The following ZNF385D variants were observed in gnomAD, a reference collection of about 807,000 sequenced individuals.
The protein encoded by ZNF385D is zinc finger protein 659.
ZNF385D carries 15 observed loss-of-function variants against 35.8 expected under a neutral mutation model. That is an observed-to-expected ratio of 0.42 (90% CI 0.28 to 0.64). The LOEUF (loss-of-function observed/expected upper bound fraction) is 0.64, where lower values mean the gene tolerates loss of function less well. Among genes scored for constraint, ZNF385D ranks in the 30% least tolerant of loss-of-function variants. The pLI is 0.23. For synonymous variants in ZNF385D, 212 were observed against 186.8 expected, an observed-to-expected ratio of 1.13 and a Z score of -1.10; for missense variants, 474 against 494.6, an observed-to-expected ratio of 0.96 and a Z score of 0.39.
At chr3:21,999,353 G>A (rs916445647) in intron 3 of ZNF385D, among the ~76,000 whole-genome samples, 4 of 151,656 alleles carry the variant, frequency 2.6e-5, no homozygotes, top group African/African-American at 9.7e-5. Flanking sequence ...TGTCACATCT[G>A]ATGTTATAGA....
intron 3 of ZNF385D, among the ~76,000 whole-genome samples, chr3:21,808,570 T>A (rs2072759862): frequency 6.6e-6 from 1 of 152,140 alleles, no homozygotes; most frequent in African/African-American, 2.4e-5. Flanking sequence ...TTGTGCCTCC[T>A]CTCCTTTGTG....
intron 3 of ZNF385D, among the ~76,000 whole-genome samples, chr3:21,864,713 C>T (rs927775493): frequency 7.9e-5 from 12 of 152,210 alleles, no homozygotes; most frequent in African/African-American, 2.9e-4. Context: ...CTGAAGATAA[C>T]TACAAAGCTC....
intron 3 of ZNF385D, among the ~76,000 whole-genome samples, chr3:21,821,750 C>G (rs963791725): frequency 6.6e-6 from 1 of 152,016 alleles, no homozygotes; most frequent in Non-Finnish European, 1.5e-5. Flanking sequence ...CATGTCAGCT[C>G]AGGAGTTCGA....
chr3:22,136,109 C>T (rs973396228), intron 3 of ZNF385D, among the ~76,000 whole-genome samples: 1 of 152,096 alleles, frequency 6.6e-6, no homozygotes, highest in Non-Finnish European at 1.5e-5. Context: ...AGAGGCCAGG[C>T]GTGGTGGCTC....
rs181433434 is a variant in ZNF385D at position 21,995,773 on chromosome 3, C to T, written c.325+173044G>A. ...TCTCCAGATTGCCAGAAGGCACATT[C>T]AGGGGCAAGGAGCCCCTACTGCTAG... On this transcript the variant is annotated intron_variant, in intron 3 of 5. Transcript: ENST00000494108. 2.5e-4 allele frequency among the ~76,000 whole-genome samples: 38 copies of T among 152,090 alleles called. No individual in the cohort carries two copies. In the East Asian group the frequency reaches 6.8e-3, roughly 27 times the overall value.
chr3:22,321,106 G>C lies in ZNF385D; in HGVS notation c.106+51344C>G, dbSNP rs980725187. Among the ~76,000 whole-genome samples, 4 of 133,948 alleles carry C rather than the reference G, an allele frequency of 3.0e-5. No homozygotes were observed. The Admixed American group carries it at 3.1e-4, about 10-fold the overall frequency. The allele number at this position is 133,948 out of a possible 152,430, so 87.9% of individuals were successfully genotyped here. A position where few individuals can be genotyped will look rare whatever the true frequency, so the allele number is the denominator to read the frequency against. ...ATTATTTAATATCACACTTCATCCT[G>C]TTCAAATTTTTTAATTCTAAATTTC... is the stretch of plus-strand genomic sequence containing the variant. On this transcript the variant is annotated intron_variant, in intron 2 of 5. Transcript: ENST00000494108.
chr3:21,872,614 T>G (rs185869162), intron 3 of ZNF385D, among the ~76,000 whole-genome samples: 198 of 152,248 alleles, frequency 1.3e-3, no homozygotes, highest in African/African-American at 4.6e-3. Flanking sequence ...ATTAGGTCAG[T>G]GAAGTCTTAC....
In ZNF385D at chr3:21,420,944, G is replaced by T; in HGVS notation, c.*270C>A. Reference sequence around the variant, plus strand: ...AAGCACAGTCACAGAGGCTTCAGAAGGTCTAGATACCACTACAAATCAATG... The same window carrying T: ...AAGCACAGTCACAGAGGCTTCAGAATGTCTAGATACCACTACAAATCAATG... On this transcript the variant is annotated 3_prime_UTR_variant, in exon 8 of 8. Coordinates refer to ENST00000281523, the MANE Select transcript of ZNF385D (RefSeq NM_024697.3). The T allele has an allele frequency of 2.5e-6, 1 of 404,976 alleles. No homozygotes were observed. Among genetic ancestry groups the T allele is most frequent in the Non-Finnish European group, 4.5e-6 (1 of 222,180 alleles). 25.1% of individuals were successfully genotyped at this position (404,976 alleles called of 1,614,324 possible).
At chr3:21,904,214 G>A (rs765146366) in intron 3 of ZNF385D, among the ~76,000 whole-genome samples, 2 of 146,794 alleles carry the variant, frequency 1.4e-5, no homozygotes, top group African/African-American at 2.5e-5. Flanking sequence ...TGAGGCAGGA[G>A]AATGGCTTGA....
intron 2 of ZNF385D, among the ~76,000 whole-genome samples, chr3:21,566,081 G>A (rs1004997794): frequency 2.6e-5 from 4 of 152,114 alleles, no homozygotes; most frequent in Admixed American, 2.6e-4. Context: ...TTAACATACG[G>A]TTCTGAATAA....
At chr3:22,004,318 A>G (rs13062869) in intron 3 of ZNF385D, among the ~76,000 whole-genome samples, 40,968 of 152,108 alleles carry the variant, frequency 0.27, 6,145 homozygotes, top group South Asian at 0.43. Flanking sequence ...AAGACTCAAT[A>G]CTATAAAATT....
chr3:22,089,832 C>A (rs904918029), intron 3 of ZNF385D, among the ~76,000 whole-genome samples: 1 of 151,962 alleles, frequency 6.6e-6, no homozygotes, highest in Non-Finnish European at 1.5e-5. Context: ...TTGTAATTAA[C>A]AATTTTTTAT....
chr3:22,230,672 T>C (rs1161983252), intron 2 of ZNF385D, among the ~76,000 whole-genome samples: 2 of 152,162 alleles, frequency 1.3e-5, no homozygotes, highest in South Asian at 4.1e-4. Flanking sequence ...GGGAATCACT[T>C]AGAGTACATA....
chr3:21,714,000 A>G (rs1185095328), intron 1 of ZNF385D, among the ~76,000 whole-genome samples: 1 of 152,120 alleles, frequency 6.6e-6, no homozygotes, highest in African/African-American at 2.4e-5. Context: ...CCTTTGGTCA[A>G]TCAATATAAT....
intron 3 of ZNF385D, among the ~76,000 whole-genome samples, chr3:21,860,027 CCA>C (rs1435815663): frequency 6.6e-6 from 1 of 151,940 alleles, no homozygotes; most frequent in Non-Finnish European, 1.5e-5. Context: ...AACTTGGAAC[CCA>C]CTTTTTTGGG....
At chr3:21,447,553 T>C (rs1702218943) in intron 4 of ZNF385D, among the ~76,000 whole-genome samples, 1 of 152,200 alleles carries the variant, frequency 6.6e-6, no homozygotes, top group African/African-American at 2.4e-5. Context: ...GTTCATCTGT[T>C]TAACATATGT....
chr3:22,095,084 C>CCTTCTTTTTT (rs1559364629), intron 3 of ZNF385D, among the ~76,000 whole-genome samples: 1 of 121,282 alleles, frequency 8.2e-6, no homozygotes. Context: ...TTTTTTCATT[C>CCTTCTTTTTT]TTTCTTTTTT....
intron 2 of ZNF385D, among the ~76,000 whole-genome samples, chr3:22,257,125 T>C (rs921497348): frequency 6.6e-6 from 1 of 151,858 alleles, no homozygotes; most frequent in Non-Finnish European, 1.5e-5. Flanking sequence ...CTCACAGTTT[T>C]GTACAGTAAT....
intron 2 of ZNF385D, among the ~76,000 whole-genome samples, chr3:22,251,217 T>A (rs962358495): frequency 6.6e-6 from 1 of 152,126 alleles, no homozygotes; most frequent in Non-Finnish European, 1.5e-5. Context: ...AAAAGAAGAA[T>A]CCGTTTACAT....
Sources: gnomAD v4.1 joint callset for allele counts (sites outside exome capture counted in the v4.1 genomes callset) on GRCh38, gnomAD v4.1.1 for gene constraint, MANE v1.5 for transcripts, NCBI Gene and HGNC (gene_info 2026-07-23, HGNC 2026-07-21) for gene names.